The following CCSER1 variants were observed in gnomAD, a reference collection of about 807,000 sequenced individuals.
The protein encoded by CCSER1 is serine-rich coiled-coil domain-containing protein 1.
In CCSER1, 41 loss-of-function variants were observed where a neutral mutation model predicts 82.0. That is an observed-to-expected ratio of 0.50 (90% CI 0.39 to 0.65). The LOEUF is 0.65. Ranked by LOEUF, CCSER1 falls within the 30% of genes least tolerant of loss-of-function variation. The pLI is 0.00. For missense variants in CCSER1, 1,119 were observed against 1,064.2 expected (o/e 1.05, Z -0.72); for synonymous variants, 414 against 383.9 (o/e 1.08, Z -0.92).
At chr4:90,200,981 C>T (rs1737587130) in intron 1 of CCSER1, among the ~76,000 whole-genome samples, 1 of 152,016 alleles carries the variant, frequency 6.6e-6, no homozygotes, top group South Asian at 2.1e-4. Context: ...ATCATATATG[C>T]AGATATCCCA....
chr4:90,799,345 G>C (rs1458859116), intron 7 of CCSER1, among the ~76,000 whole-genome samples: 1 of 152,208 alleles, frequency 6.6e-6, no homozygotes, highest in Non-Finnish European at 1.5e-5. Context: ...AGTTGGCGGA[G>C]GGTGGGGGAC....
At chr4:91,078,287 C>T (rs2148791078) in intron 9 of CCSER1, among the ~76,000 whole-genome samples, 1 of 152,214 alleles carries the variant, frequency 6.6e-6, no homozygotes, top group South Asian at 2.1e-4. Flanking sequence ...GTTCTGCAGC[C>T]TCCGCAGGTG....
intron 9 of CCSER1, among the ~76,000 whole-genome samples, chr4:90,960,129 C>T (rs1034629185): frequency 6.6e-6 from 1 of 152,060 alleles, no homozygotes. Context: ...TACCTGAAAT[C>T]GTCTTTCACA....
chr4:90,391,272 C>CGAAAAA (rs1750986154), intron 3 of CCSER1, among the ~76,000 whole-genome samples: 1 of 35,032 alleles, frequency 2.9e-5, no homozygotes, highest in African/African-American at 2.6e-4. Context: ...GACTCTGTCT[C>CGAAAAA]AAAAAAAAAA....
intron 10 of CCSER1, among the ~76,000 whole-genome samples, chr4:91,113,026 G>C (rs1726217643): frequency 6.6e-6 from 1 of 152,172 alleles, no homozygotes; most frequent in African/African-American, 2.4e-5. Context: ...AGCAGAAGAA[G>C]TTACCTATTC....
intron 10 of CCSER1, among the ~76,000 whole-genome samples, chr4:91,596,678 C>T (rs184960779): frequency 1.3e-3 from 203 of 152,146 alleles, no homozygotes; most frequent in African/African-American, 4.6e-3. Context: ...CCTTTTACTC[C>T]TAAAAAGTCT....
At chr4:90,900,395 C>A (rs1411572742) in intron 8 of CCSER1, among the ~76,000 whole-genome samples, 3 of 151,816 alleles carry the variant, frequency 2.0e-5, no homozygotes, top group Non-Finnish European at 4.4e-5. Flanking sequence ...TTTTGTTTAT[C>A]CTTTTAAAGA....
chr4:91,074,515 T>C (rs762377616), intron 9 of CCSER1, among the ~76,000 whole-genome samples: 1 of 152,182 alleles, frequency 6.6e-6, no homozygotes, highest in Non-Finnish European at 1.5e-5. Context: ...GCCCATGAAA[T>C]GGTTAAGGAA....
intron 8 of CCSER1, among the ~76,000 whole-genome samples, chr4:90,875,693 A>G (rs1767110581): frequency 6.6e-6 from 1 of 152,206 alleles, no homozygotes; most frequent in Non-Finnish European, 1.5e-5. Flanking sequence ...TAAATTAAAC[A>G]TCACAGCTGG....
At chr4:91,193,585 G>A (rs1242743174) in intron 10 of CCSER1, among the ~76,000 whole-genome samples, 2 of 152,058 alleles carry the variant, frequency 1.3e-5, no homozygotes, top group Non-Finnish European at 2.9e-5. Context: ...AATACTAAAA[G>A]CAAAAGCACT....
chr4:90,743,997 T>C, intron 7 of CCSER1, among the ~76,000 whole-genome samples: 1 of 152,210 alleles, frequency 6.6e-6, no homozygotes, highest in South Asian at 2.1e-4. Context: ...CTTTCTTGAA[T>C]GTGGTGAGTC....
intron 9 of CCSER1, among the ~76,000 whole-genome samples, chr4:90,940,555 G>A (rs1443076228): frequency 1.3e-5 from 2 of 151,936 alleles, no homozygotes; most frequent in African/African-American, 2.4e-5. Context: ...TGTTGTTTTT[G>A]TTTTTAGAAA....
chr4:90,524,616 G>C (rs1467336781), intron 5 of CCSER1, among the ~76,000 whole-genome samples: 1 of 151,948 alleles, frequency 6.6e-6, no homozygotes, highest in Non-Finnish European at 1.5e-5. Flanking sequence ...CTACGGGCGC[G>C]TGCCACTACA....
chr4:90,781,470 A>G (rs762379186), intron 7 of CCSER1: 29 of 985,286 alleles, frequency 2.9e-5, no homozygotes, highest in South Asian at 4.7e-5. Flanking sequence ...AATGATGGAC[A>G]TAAAGCCCAT....
At chr4:91,205,242 G>A (rs1363014477) in intron 10 of CCSER1, among the ~76,000 whole-genome samples, 1 of 151,448 alleles carries the variant, frequency 6.6e-6, no homozygotes, top group Non-Finnish European at 1.5e-5. Context: ...AAAATCTTTA[G>A]CTCACAGTTT....
At chr4:90,561,451 T>G (rs1255188416) in intron 5 of CCSER1, among the ~76,000 whole-genome samples, 1 of 152,216 alleles carries the variant, frequency 6.6e-6, no homozygotes, top group East Asian at 1.9e-4. Context: ...TCTCATATAG[T>G]CAAATAGCTC....
Position 90,594,936 on chromosome 4 carries a change from A to G in CCSER1, c.1725-33089A>G, listed in dbSNP as rs73833294. Among the ~76,000 whole-genome samples, 504 of 152,124 alleles carry G rather than the reference A, an allele frequency of 3.3e-3. 4 individuals carry two copies. Among genetic ancestry groups the G allele is most frequent in the African/African-American group, 0.011 (456 of 41,558 alleles). ...AAGCATTGAGGATTTAGATGAATTC[A>G]GTGTTATTTATAAAGTGCTTATTAT... On this transcript the variant is annotated intron_variant, in intron 5 of 10. Transcript: ENST00000509176.
rs1561384260 is a variant in CCSER1, at chr4:90,932,943, AAAG to A, written c.2172+9499_2172+9501del. Among the ~76,000 whole-genome samples, 233 of 39,486 alleles carry A rather than the reference AAAG, an allele frequency of 5.9e-3. 49 individuals are homozygous for A. Among genetic ancestry groups the A allele is most frequent in the African/African-American group, 0.038 (219 of 5,734 alleles). The allele number at this position is 39,486 out of a possible 152,430, so 25.9% of individuals were successfully genotyped here. A position where few individuals can be genotyped will look rare whatever the true frequency, so the allele number is the denominator to read the frequency against. ...GAAAGAAAGAAAGAAAGAAAGAAAG[AAAG>A]AAAGAAAGAAAGAAAGAAAGAAAGA... On this transcript the variant is annotated intron_variant, in intron 9 of 10. Transcript: ENST00000509176.
Position 91,604,751 on chromosome 4 carries a change from T to G in CCSER1, c.*5694T>G, listed in dbSNP as rs1764906904. 6.6e-6 allele frequency: 1 copy of G among 152,056 alleles called. No homozygotes were observed. Among genetic ancestry groups the G allele is most frequent in the African/African-American group, 2.4e-5 (1 of 41,450 alleles). 9.4% of individuals were successfully genotyped at this position (152,056 alleles called of 1,614,324 possible). A position where few individuals can be genotyped will look rare whatever the true frequency, so the allele number is the denominator to read the frequency against. ...CTAGGAACTAAAATTACAGCTGATT[T>G]AGAATTTGCTTAATTATTCAGAAGG... is the stretch of plus-strand genomic sequence containing the variant. On this transcript the variant is annotated 3_prime_UTR_variant, in exon 11 of 11. Coordinates refer to ENST00000509176, the MANE Select transcript of CCSER1 (RefSeq NM_001145065.2).
Sources: allele counts gnomAD v4.1 joint callset (sites outside exome capture counted in the v4.1 genomes callset), GRCh38; gene constraint gnomAD v4.1.1; transcripts MANE v1.5; gene names NCBI Gene and HGNC (gene_info 2026-07-23, HGNC 2026-07-21).